SPATA13: variants seen among roughly 807,000 people sequenced by gnomAD.
The protein encoded by SPATA13 is spermatogenesis-associated protein 13.
In SPATA13, 50 loss-of-function variants were observed where a neutral mutation model predicts 104.0. The observed-to-expected ratio is 0.48, with a 90% CI of 0.38 to 0.61. The LOEUF is 0.61. SPATA13 is among the 20% of genes least tolerant of loss of function. The probability of loss-of-function intolerance (pLI) is 0.00; values close to 1 mark genes in which losing one functional copy is unlikely to be tolerated. For synonymous variants in SPATA13, 606 were observed against 667.5 expected (o/e 0.91, Z 1.42); for missense variants, 1,524 against 1,690.6 (o/e 0.90, Z 1.73).
chr13:24,123,707 A>C (rs1881118881), intron 3 of SPATA13: 1 of 1,561,946 alleles, frequency 6.4e-7, no homozygotes, highest in Non-Finnish European at 8.8e-7. Context: ...AAAGTTCCTC[A>C]TCAGCATCTG....
chr13:24,296,912 G>A (rs999415984), intron 10 of SPATA13, among the ~76,000 whole-genome samples: 6 of 152,148 alleles, frequency 3.9e-5, no homozygotes, highest in African/African-American at 1.4e-4. Context: ...GGGGACAGGT[G>A]GTAGGCAGCC....
chr13:24,245,355 C>G (rs1873061434), intron 2 of SPATA13, among the ~76,000 whole-genome samples: 1 of 151,586 alleles, frequency 6.6e-6, no homozygotes, highest in African/African-American at 2.4e-5. Flanking sequence ...ATTTAACCGT[C>G]TTTTGGCGAA....
chr13:24,154,733 T>C (rs1374330178), intron 3 of SPATA13, among the ~76,000 whole-genome samples: 1 of 152,256 alleles, frequency 6.6e-6, no homozygotes, highest in African/African-American at 2.4e-5. Flanking sequence ...CTCATGAGGC[T>C]GCTGCCACAG....
intron 2 of SPATA13, among the ~76,000 whole-genome samples, chr13:23,996,316 A>G (rs1221899874): frequency 6.6e-6 from 1 of 152,202 alleles, no homozygotes; most frequent in Non-Finnish European, 1.5e-5. Flanking sequence ...TAACTCTTCG[A>G]AAAGTGTAGA....
intron 2 of SPATA13, among the ~76,000 whole-genome samples, chr13:24,247,925 CA>C (rs35259542): frequency 0.048 from 7,277 of 152,210 alleles, 270 homozygotes; most frequent in Non-Finnish European, 0.075. Context: ...TTTGGTTTCT[CA>C]AGGAGGGAGC....
intron 4 of SPATA13, among the ~76,000 whole-genome samples, chr13:24,280,429 G>T (rs546050021): frequency 4.0e-5 from 6 of 151,282 alleles, no homozygotes; most frequent in Admixed American, 3.9e-4. Context: ...AGGAGAAAGC[G>T]TCATTTTTCA....
chr13:24,098,587 A>C (rs1312962990), intron 3 of SPATA13, among the ~76,000 whole-genome samples: 1 of 119,262 alleles, frequency 8.4e-6, no homozygotes, highest in Non-Finnish European at 1.9e-5. Flanking sequence ...ATAGAGTGAG[A>C]CTGTCTTAAA....
rs113023159 is a variant in SPATA13 at position 24,147,754 on chromosome 13, G to A, written c.-111-75065G>A. The stretch of plus-strand genomic sequence containing the variant: ...TGTACCCATTAAACATTAACTCCCC[G>A]TTCCCTCCACACCCCTAGCCCCTGG... On this transcript the variant is annotated intron_variant, in intron 3 of 14. Transcript: ENST00000424834. 3.0e-4 allele frequency among the ~76,000 whole-genome samples: 41 copies of A among 136,680 alleles called. No homozygotes were observed. In the South Asian group the frequency reaches 9.1e-3, roughly 30 times the overall value. 89.7% of individuals were successfully genotyped at this position (136,680 alleles called of 152,430 possible).
chr13:24,264,748 G>A (rs937674397), intron 4 of SPATA13, among the ~76,000 whole-genome samples: 4 of 152,216 alleles, frequency 2.6e-5, no homozygotes, highest in African/African-American at 9.6e-5. Flanking sequence ...GAAAAGAAGT[G>A]AAATCTGTAC....
intron 1 of SPATA13, among the ~76,000 whole-genome samples, chr13:24,193,518 T>C (rs1869889170): frequency 6.6e-6 from 1 of 151,594 alleles, no homozygotes; most frequent in South Asian, 2.1e-4. Flanking sequence ...CGAGAATGGG[T>C]GATGTGGTGG....
intron 2 of SPATA13, among the ~76,000 whole-genome samples, chr13:23,998,272 T>C (rs1875785732): frequency 6.6e-6 from 1 of 152,230 alleles, no homozygotes; most frequent in Non-Finnish European, 1.5e-5. Context: ...TTAGCCATTC[T>C]AAAGGTATGT....
chr13:24,260,009 A>G (rs1396663520), intron 4 of SPATA13, among the ~76,000 whole-genome samples: 1 of 152,170 alleles, frequency 6.6e-6, no homozygotes, highest in Non-Finnish European at 1.5e-5. Context: ...TAACAAATAC[A>G]TATGTCCCTA....
chr13:24,192,439 GT>G (rs1477421180), intron 1 of SPATA13, among the ~76,000 whole-genome samples: 1 of 152,000 alleles, frequency 6.6e-6, no homozygotes, highest in Non-Finnish European at 1.5e-5. Context: ...TTCAGTCTCT[GT>G]GCCAGTTCCT....
At chr13:24,110,757 GA>G (rs2137812491) in intron 3 of SPATA13, among the ~76,000 whole-genome samples, 1 of 152,282 alleles carries the variant, frequency 6.6e-6, no homozygotes, top group East Asian at 1.9e-4. Flanking sequence ...AATAATTGTA[GA>G]AACTGTAAAG....
chr13:24,199,197 A>G (rs1474995257), intron 1 of SPATA13, among the ~76,000 whole-genome samples: 1 of 152,088 alleles, frequency 6.6e-6, no homozygotes, highest in East Asian at 1.9e-4. Context: ...CAGAACCATA[A>G]AATCTTAAAG....
chr13:24,068,984 T>C (rs1879066348), intron 3 of SPATA13, among the ~76,000 whole-genome samples: 1 of 152,212 alleles, frequency 6.6e-6, no homozygotes, highest in Non-Finnish European at 1.5e-5. Flanking sequence ...TGATAGTTTA[T>C]TTTTCTGTGC....
intron 4 of SPATA13, among the ~76,000 whole-genome samples, chr13:24,254,166 A>G (rs903388991): frequency 2.0e-5 from 3 of 151,156 alleles, no homozygotes; most frequent in African/African-American, 7.4e-5. Context: ...AAGAGGCAAA[A>G]ATGGCCAGCC....
intron 4 of SPATA13, among the ~76,000 whole-genome samples, chr13:24,281,215 G>A (rs1001398143): frequency 6.6e-6 from 1 of 152,206 alleles, no homozygotes; most frequent in African/African-American, 2.4e-5. Flanking sequence ...TCTTGGCTTT[G>A]TGCTTAGGCC....
chr13:24,159,986 T>C (rs775835756), upstream of SPATA13, among the ~76,000 whole-genome samples: 3 of 152,212 alleles, frequency 2.0e-5, no homozygotes, highest in Non-Finnish European at 2.9e-5. Flanking sequence ...GTGGTTTTCA[T>C]GTCAATTAAT....
Sources: allele counts gnomAD v4.1 joint callset (sites outside exome capture counted in the v4.1 genomes callset), GRCh38; gene constraint gnomAD v4.1.1; transcripts MANE v1.5; gene names NCBI Gene and HGNC (gene_info 2026-07-23, HGNC 2026-07-21).